The following ADGRB3 variants were observed in gnomAD, a reference collection of about 807,000 sequenced individuals.
ADGRB3 encodes the protein brain-specific angiogenesis inhibitor 3.
ADGRB3 carries 37 observed loss-of-function variants against 193.4 expected under a neutral mutation model. The ratio of observed to expected loss-of-function variants is 0.19; its 90% CI spans 0.15 to 0.25. The LOEUF (loss-of-function observed/expected upper bound fraction) is 0.25, where lower values mean the gene tolerates loss of function less well. Among genes scored for constraint, ADGRB3 ranks in the 10% least tolerant of loss-of-function variants. ADGRB3 has a pLI of 1.00. For missense variants in ADGRB3, 1,637 were observed against 1,852.9 expected (o/e 0.88, Z 2.14); for synonymous variants, 690 against 644.2 (o/e 1.07, Z -1.08).
chr6:68,881,221 A>G (rs1189552775), intron 3 of ADGRB3, among the ~76,000 whole-genome samples: 1 of 151,574 alleles, frequency 6.6e-6, no homozygotes, highest in Non-Finnish European at 1.5e-5. Context: ...TATTTTACAT[A>G]TTTAGCATCA....
Position 69,361,236 on chromosome 6 carries a change from A to C in ADGRB3, c.3963A>C (p.Ser1321=), listed in dbSNP as rs1769444340. The change falls in exon 29 of 32, where the codon TCA becomes TCC. Residue 1321 remains serine (S), a synonymous_variant. Coordinates refer to ENST00000370598, the MANE Select transcript of ADGRB3 (RefSeq NM_001704.3). ...MPRSSVNNQP[S]MKEESKMNIG... ...GAAGTTCTGTAAATAACCAGCCTTC[A>C]ATGAAAGAAGAAAGCAAAATGAATA... 2 of 1,612,834 alleles carry C rather than the reference A, an allele frequency of 1.2e-6. No individual in the cohort carries two copies. The highest frequency in any genetic ancestry group is 1.3e-5 in the African/African-American group (1 of 74,970).
chr6:69,031,061 C>CTTT (rs1770647212), intron 13 of ADGRB3, among the ~76,000 whole-genome samples: 1 of 46,910 alleles, frequency 2.1e-5, no homozygotes, highest in Non-Finnish European at 4.9e-5. Context: ...CTTCTCTTCT[C>CTTT]TTCTCTTCTC....
intron 30 of ADGRB3, 38 bp from the exon 31 acceptor site, chr6:69,382,788 TACATC>T: frequency 7.3e-7 from 1 of 1,373,086 alleles, no homozygotes; most frequent in South Asian, 1.3e-5. Context: ...TTGAAAAACA[TACATC>T]AAGTTGGGGA....
At chr6:68,638,084 G>A (rs1157767113) in intron 2 of ADGRB3, among the ~76,000 whole-genome samples, 1 of 152,218 alleles carries the variant, frequency 6.6e-6, no homozygotes, top group Admixed American at 6.5e-5. Context: ...GGGGCATTTG[G>A]GAGATGATGT....
intron 10 of ADGRB3, among the ~76,000 whole-genome samples, chr6:68,979,415 A>G (rs1275330611): frequency 6.6e-6 from 1 of 151,478 alleles, no homozygotes; most frequent in African/African-American, 2.4e-5. Context: ...TTGTATAACA[A>G]TTTCAATTAG....
intron 17 of ADGRB3, among the ~76,000 whole-genome samples, chr6:69,080,595 A>T (rs1272464976): frequency 1.3e-5 from 2 of 151,972 alleles, no homozygotes; most frequent in African/African-American, 2.4e-5. Flanking sequence ...TTGGAGAGAA[A>T]TGTGGAAACA....
At chr6:69,164,094 T>C (rs1378626825) in intron 17 of ADGRB3, among the ~76,000 whole-genome samples, 1 of 152,078 alleles carries the variant, frequency 6.6e-6, no homozygotes, top group African/African-American at 2.4e-5. Context: ...AGTATTTTTT[T>C]CCCAAGGTGA....
chr6:69,362,725 C>T (rs1769479119), intron 29 of ADGRB3, among the ~76,000 whole-genome samples: 1 of 151,938 alleles, frequency 6.6e-6, no homozygotes, highest in Non-Finnish European at 1.5e-5. Flanking sequence ...AGTTCAACTC[C>T]AGGGTGACTG....
rs535500827 is a variant in ADGRB3, at chr6:69,199,224, C to G, written c.2481-34066C>G. 3.9e-5 allele frequency among the ~76,000 whole-genome samples: 6 copies of G among 152,186 alleles called. No individual in the cohort carries two copies. In the East Asian group the frequency reaches 1.2e-3, roughly 29 times the overall value. On this transcript the variant is annotated intron_variant, in intron 17 of 31. Coordinates refer to ENST00000370598, the MANE Select transcript of ADGRB3 (RefSeq NM_001704.3). ...CTTCCTTGGAGGCTACATTACTATT[C>G]TGGAGGAAAAGCTTTTCAATAGACC...
intron 3 of ADGRB3, among the ~76,000 whole-genome samples, chr6:68,716,069 A>G (rs1765485001): frequency 6.6e-6 from 1 of 151,732 alleles, no homozygotes; most frequent in Admixed American, 6.6e-5. Context: ...AAGAAATTGA[A>G]CTTCAGCTAT....
intron 17 of ADGRB3, among the ~76,000 whole-genome samples, chr6:69,206,663 T>G (rs1765547471): frequency 6.6e-6 from 1 of 152,160 alleles, no homozygotes; most frequent in Non-Finnish European, 1.5e-5. Context: ...TCAATAAATC[T>G]TATGTCACAT....
Position 69,086,963 on chromosome 6 carries a change from T to C in ADGRB3, c.2480+10925T>C, listed in dbSNP as rs1218999762. On this transcript the variant is annotated intron_variant, in intron 17 of 31. Transcript: ENST00000370598. ...TGAGTCAAAGAGGCTTAGGCTTTTT[T>C]GTTAGAAACGTAATTGTAATAAAGT... is the stretch of plus-strand genomic sequence containing the variant. 3.3e-5 allele frequency among the ~76,000 whole-genome samples: 5 copies of C among 152,176 alleles called. No individual in the cohort carries two copies. The East Asian group carries it at 9.6e-4, about 29-fold the overall frequency.
chr6:69,114,416 T>A (rs1417312350), intron 17 of ADGRB3, among the ~76,000 whole-genome samples: 1 of 152,238 alleles, frequency 6.6e-6, no homozygotes, highest in East Asian at 1.9e-4. Flanking sequence ...TAGTCCTTTG[T>A]CAGATGGATA....
intron 3 of ADGRB3, among the ~76,000 whole-genome samples, chr6:68,819,630 A>G (rs1767710356): frequency 6.6e-6 from 1 of 151,956 alleles, no homozygotes; most frequent in African/African-American, 2.4e-5. Flanking sequence ...CACACCTCAA[A>G]GTCCAAAGTT....
chr6:68,918,566 A>G (rs1198862334), intron 3 of ADGRB3, among the ~76,000 whole-genome samples: 1 of 152,196 alleles, frequency 6.6e-6, no homozygotes, highest in Admixed American at 6.5e-5. Flanking sequence ...TCTTTAATTT[A>G]GTATAAATTT....
At chr6:68,666,159 C>T (rs1367819912) in intron 3 of ADGRB3, among the ~76,000 whole-genome samples, 1 of 151,778 alleles carries the variant, frequency 6.6e-6, no homozygotes, top group Non-Finnish European at 1.5e-5. Context: ...CTGAGTCTAC[C>T]TGAAGAAACA....
At chr6:68,733,048 G>T (rs1177668481) in intron 3 of ADGRB3, among the ~76,000 whole-genome samples, 1 of 151,488 alleles carries the variant, frequency 6.6e-6, no homozygotes, top group African/African-American at 2.4e-5. Flanking sequence ...TAATAATTTT[G>T]ATTTTACAGT....
intron 3 of ADGRB3, among the ~76,000 whole-genome samples, chr6:68,648,679 A>C (rs1768275884): frequency 6.7e-6 from 1 of 150,272 alleles, no homozygotes; most frequent in Non-Finnish European, 1.5e-5. Flanking sequence ...GAAATGTCAC[A>C]GAAACATTTG....
intron 17 of ADGRB3, among the ~76,000 whole-genome samples, chr6:69,183,284 A>G (rs937385575): frequency 6.6e-5 from 10 of 152,280 alleles, no homozygotes; most frequent in East Asian, 1.9e-4. Context: ...GGTAAAATCT[A>G]TAAGTACTTC....
Sources: gnomAD v4.1 joint callset for allele counts (sites outside exome capture counted in the v4.1 genomes callset) on GRCh38, gnomAD v4.1.1 for gene constraint, MANE v1.5 for transcripts, NCBI Gene and HGNC (gene_info 2026-07-23, HGNC 2026-07-21) for gene names.